FAAH2: variants seen among roughly 807,000 people sequenced by gnomAD.
FAAH2 encodes the protein fatty acid amide hydrolase 2, also known as fatty-acid amide hydrolase 2.
Under a neutral mutation model 36.9 loss-of-function variants are expected in FAAH2, and 60 were observed. The ratio of observed to expected loss-of-function variants is 1.63; its 90% CI spans 1.32 to 2.02. The LOEUF (loss-of-function observed/expected upper bound fraction) is 2.02. FAAH2 is among the 30% of genes most tolerant of loss of function. FAAH2 has a pLI of 0.00. For missense variants in FAAH2, 689 were observed against 397.5 expected (o/e 1.73, Z -6.23); for synonymous variants, 214 against 143.8 (o/e 1.49, Z -3.49).
chrX:57,300,842 CA>C (rs2052336683), intron 2 of FAAH2, among the ~76,000 whole-genome samples: 1 of 111,714 alleles, frequency 9.0e-6, no homozygotes, highest in Non-Finnish European at 1.9e-5. Flanking sequence ...TTTATGCAGC[CA>C]AAAAACACAT....
the FAAH2 span, among the ~76,000 whole-genome samples, chrX:57,278,126 GC>G: frequency 9.0e-6 from 1 of 111,520 alleles, no homozygotes; most frequent in Non-Finnish European, 1.9e-5. Flanking sequence ...ACAATCCTAA[GC>G]AAAAAGAGCA....
At position 57,314,760 on chromosome X, in the gene FAAH2, C is replaced by G. The variant is rs1349263587; in HGVS notation, c.412+4031C>G. Among the ~76,000 whole-genome samples, 9 of 110,642 alleles carry G rather than the reference C, an allele frequency of 8.1e-5. No individual in the cohort carries two copies. The South Asian group carries it at 2.2e-3, about 28-fold the overall frequency. ...TAATGAAAATAGTGACACATCTTAC[C>G]AAAGTCATTAAGGCGCCACTCAAGC... On this transcript the variant is annotated intron_variant, in intron 3 of 10. Coordinates refer to ENST00000374900, the MANE Select transcript of FAAH2 (RefSeq NM_174912.4).
chrX:57,191,650 A>T, the FAAH2 span, among the ~76,000 whole-genome samples: 3 of 111,555 alleles, frequency 2.7e-5, no homozygotes, highest in African/African-American at 9.8e-5. Context: ...GTTCCTTTTG[A>T]TTTGATTTTG....
chrX:57,294,551 G>A (rs1417890143), intron 2 of FAAH2, among the ~76,000 whole-genome samples: 1 of 111,698 alleles, frequency 9.0e-6, no homozygotes, highest in Non-Finnish European at 1.9e-5. Flanking sequence ...AAGTTTTACT[G>A]GCTCTTCTTC....
chrX:57,235,693 GTGTT>G, the FAAH2 span, among the ~76,000 whole-genome samples: 1 of 111,966 alleles, frequency 8.9e-6, no homozygotes, highest in Non-Finnish European at 1.9e-5. Context: ...TTATTTTCAA[GTGTT>G]TGTCTTTATT....
intron 2 of FAAH2, among the ~76,000 whole-genome samples, chrX:57,300,217 C>A (rs970389989): frequency 4.5e-5 from 5 of 111,488 alleles, no homozygotes; most frequent in African/African-American, 1.6e-4. Context: ...TACTACAAGG[C>A]TACAGTAATC....
intron 10 of FAAH2, among the ~76,000 whole-genome samples, chrX:57,467,841 C>T (rs901673079): frequency 2.7e-5 from 3 of 112,056 alleles, no homozygotes; most frequent in African/African-American, 9.7e-5. Flanking sequence ...AACTGAGAGA[C>T]ACCCCCCAGT....
At chrX:57,185,255 C>A in the FAAH2 span, among the ~76,000 whole-genome samples, 1 of 110,916 alleles carries the variant, frequency 9.0e-6, no homozygotes, top group Non-Finnish European at 1.9e-5. Flanking sequence ...CCTTCCCAGC[C>A]TCTGGTCTCT....
At chrX:57,202,561 A>G in the FAAH2 span, among the ~76,000 whole-genome samples, 2 of 111,939 alleles carry the variant, frequency 1.8e-5, no homozygotes, top group Non-Finnish European at 3.8e-5. Flanking sequence ...GGCCACCACC[A>G]TTAGGACTGC....
At chrX:57,292,772 C>T (rs1309460691) in intron 2 of FAAH2, among the ~76,000 whole-genome samples, 192 bp downstream of exon 2, 2 of 111,562 alleles carry the variant, frequency 1.8e-5, no homozygotes, top group African/African-American at 6.5e-5. Context: ...TGTCTGCATC[C>T]TCCTCCTATT....
At chrX:57,355,090 G>A (rs2054126916) in intron 5 of FAAH2, among the ~76,000 whole-genome samples, 1 of 110,772 alleles carries the variant, frequency 9.0e-6, no homozygotes, top group African/African-American at 3.3e-5. Context: ...AACTATGCCT[G>A]TTACTAAATA....
chrX:57,411,159 C>G (rs1165530130), intron 7 of FAAH2, among the ~76,000 whole-genome samples: 1 of 111,966 alleles, frequency 8.9e-6, no homozygotes, highest in African/African-American at 3.2e-5. Context: ...GCCTTCTTCA[C>G]TCTTCTTAAT....
At chrX:57,179,989 A>C in the FAAH2 span, among the ~76,000 whole-genome samples, 2 of 112,366 alleles carry the variant, frequency 1.8e-5, no homozygotes, top group African/African-American at 6.5e-5. Context: ...ATTATATGGA[A>C]ATTAAACAAT....
At chrX:57,264,012 A>G in the FAAH2 span, among the ~76,000 whole-genome samples, 1 of 112,199 alleles carries the variant, frequency 8.9e-6, no homozygotes, top group Non-Finnish European at 1.9e-5. Flanking sequence ...TAAAATACTG[A>G]AATACTAAAC....
At chrX:57,371,985 C>CT (rs1329476470) in intron 5 of FAAH2, among the ~76,000 whole-genome samples, 4 of 111,575 alleles carry the variant, frequency 3.6e-5, no homozygotes, top group Middle Eastern at 4.6e-3. Context: ...TGATTTTCTT[C>CT]TTTTTTTGGC....
chrX:57,355,285 A>G (rs2054131939), intron 5 of FAAH2, among the ~76,000 whole-genome samples: 1 of 110,972 alleles, frequency 9.0e-6, no homozygotes, highest in Admixed American at 9.6e-5. Context: ...AAGATAACAG[A>G]TAAAAATGAA....
intron 5 of FAAH2, among the ~76,000 whole-genome samples, chrX:57,353,482 A>T (rs2054079445): frequency 4.4e-5 from 1 of 22,639 alleles, no homozygotes; most frequent in Non-Finnish European, 8.8e-5. Flanking sequence ...AAGACCCCAA[A>T]TTATTAAAAA....
At chrX:57,423,256 C>T (rs1009806630) in intron 7 of FAAH2, among the ~76,000 whole-genome samples, 1 of 112,036 alleles carries the variant, frequency 8.9e-6, no homozygotes, top group African/African-American at 3.2e-5. Context: ...TGGCAAGTCT[C>T]TGGACTGAGA....
chrX:57,445,428 G>T (rs1420903372), intron 8 of FAAH2, among the ~76,000 whole-genome samples: 1 of 111,761 alleles, frequency 8.9e-6, no homozygotes, highest in Non-Finnish European at 1.9e-5. Context: ...ACAGCTGGCA[G>T]TGTGCTAGAT....
Sources: allele counts gnomAD v4.1 joint callset (sites outside exome capture counted in the v4.1 genomes callset), GRCh38; gene constraint gnomAD v4.1.1; transcripts MANE v1.5; gene names NCBI Gene and HGNC (gene_info 2026-07-23, HGNC 2026-07-21).